UBE3D: variants seen among roughly 807,000 people sequenced by gnomAD.
UBE3D encodes the protein ubiquitin protein ligase E3D, also known as E3 ubiquitin-protein ligase E3D.
In UBE3D, 48 loss-of-function variants were observed where a neutral mutation model predicts 49.6. That is an observed-to-expected ratio of 0.97 (90% CI 0.77 to 1.23). The LOEUF (loss-of-function observed/expected upper bound fraction) is 1.23, where lower values mean the gene tolerates loss of function less well. Ranked by LOEUF, UBE3D falls within the 50% of genes most tolerant of loss-of-function variation. The pLI, the probability that UBE3D is intolerant of heterozygous loss-of-function variation, is 0.00. For synonymous variants in UBE3D, 189 were observed against 174.2 expected, an observed-to-expected ratio of 1.08 and a Z score of -0.67; for missense variants, 452 against 468.4, an observed-to-expected ratio of 0.96 and a Z score of 0.32.
At chr6:82,960,298 T>G (rs1331907087) in intron 8 of UBE3D, among the ~76,000 whole-genome samples, 1 of 152,108 alleles carries the variant, frequency 6.6e-6, no homozygotes, top group Non-Finnish European at 1.5e-5. Context: ...TTTCAACATT[T>G]CTCTGGAATG....
At chr6:82,884,304 T>C in the UBE3D span, among the ~76,000 whole-genome samples, 1 of 152,030 alleles carries the variant, frequency 6.6e-6, no homozygotes, top group South Asian at 2.1e-4. Context: ...GGCTTCCAGG[T>C]AGTAGAGGCA....
chr6:82,961,606 C>T (rs1582476147), intron 8 of UBE3D, among the ~76,000 whole-genome samples: 1 of 152,342 alleles, frequency 6.6e-6, no homozygotes, highest in Middle Eastern at 3.4e-3. Context: ...ATATTATCCT[C>T]TCCAAGCAAA....
intron 2 of UBE3D, among the ~76,000 whole-genome samples, chr6:83,055,929 T>C (rs1027580636): frequency 6.6e-6 from 1 of 152,220 alleles, no homozygotes; most frequent in African/African-American, 2.4e-5. Context: ...CCATCTATTA[T>C]ATGGAAAGCA....
intron 2 of UBE3D, among the ~76,000 whole-genome samples, chr6:83,057,389 C>CT (rs11414946): frequency 0.89 from 135,703 of 152,260 alleles, 60,514 homozygotes; most frequent in East Asian, 0.96. Flanking sequence ...ACCTTGTTCA[C>CT]TCTGTATCCC....
intron 5 of UBE3D, among the ~76,000 whole-genome samples, chr6:83,035,547 G>C (rs967174048): frequency 6.6e-6 from 1 of 151,456 alleles, no homozygotes; most frequent in Non-Finnish European, 1.5e-5. Flanking sequence ...CTGCCTTCTA[G>C]CTTTCAGCTC....
At chr6:83,032,504 C>A (rs1214788719) in intron 5 of UBE3D, among the ~76,000 whole-genome samples, 1 of 152,176 alleles carries the variant, frequency 6.6e-6, no homozygotes, top group African/African-American at 2.4e-5. Context: ...ATTTTAAAGT[C>A]TCATAGGTGG....
intron 4 of UBE3D, among the ~76,000 whole-genome samples, chr6:83,041,779 A>ATGTT (rs1782687255): frequency 6.6e-6 from 1 of 152,222 alleles, no homozygotes; most frequent in Non-Finnish European, 1.5e-5. Flanking sequence ...AAAGGTAAAG[A>ATGTT]TGTTAGTCAT....
At chr6:82,920,297 G>A (rs1254628166) in intron 9 of UBE3D, among the ~76,000 whole-genome samples, 3 of 152,158 alleles carry the variant, frequency 2.0e-5, no homozygotes. Flanking sequence ...TCCTTGGGAA[G>A]TATTTTAAGA....
chr6:83,046,650 G>A (rs1397031097), intron 3 of UBE3D, among the ~76,000 whole-genome samples: 2 of 109,446 alleles, frequency 1.8e-5, no homozygotes, highest in Admixed American at 1.3e-4. Flanking sequence ...ACAGAGTAAC[G>A]GTTCTAAATT....
chr6:82,994,914 T>C (rs1488419680), intron 8 of UBE3D, among the ~76,000 whole-genome samples: 1 of 152,094 alleles, frequency 6.6e-6, no homozygotes, highest in African/African-American at 2.4e-5. Flanking sequence ...AGAGACAACA[T>C]AGAGACAAGA....
At chr6:83,008,965 T>A (rs1780169167) in intron 8 of UBE3D, among the ~76,000 whole-genome samples, 1 of 152,178 alleles carries the variant, frequency 6.6e-6, no homozygotes, top group Non-Finnish European at 1.5e-5. Flanking sequence ...AACTTGTCCC[T>A]AAGACATTTG....
chr6:82,979,122 G>T (rs1238445924), intron 8 of UBE3D, among the ~76,000 whole-genome samples: 1 of 152,082 alleles, frequency 6.6e-6, no homozygotes, highest in Non-Finnish European at 1.5e-5. Context: ...TTCAACAATG[G>T]AATACTAGAG....
At chr6:83,035,036 T>C (rs1162293100) in intron 5 of UBE3D, among the ~76,000 whole-genome samples, 1 of 151,722 alleles carries the variant, frequency 6.6e-6, no homozygotes, top group Non-Finnish European at 1.5e-5. Flanking sequence ...TAAAAATTAG[T>C]CAGACATGGT....
At chr6:82,989,680 C>G (rs1274082906) in intron 8 of UBE3D, among the ~76,000 whole-genome samples, 4 of 152,098 alleles carry the variant, frequency 2.6e-5, no homozygotes, top group African/African-American at 4.8e-5. Context: ...TTTGCCTACC[C>G]CTGATCTAAA....
At chr6:83,055,879 A>G (rs971923189) in intron 2 of UBE3D, among the ~76,000 whole-genome samples, 1 of 152,234 alleles carries the variant, frequency 6.6e-6, no homozygotes, top group Admixed American at 6.5e-5. Flanking sequence ...ACACCAGTAC[A>G]TATCTATTCA....
chr6:83,015,463 A>T (rs766558834), intron 8 of UBE3D, among the ~76,000 whole-genome samples: 28 of 152,192 alleles, frequency 1.8e-4, no homozygotes, highest in African/African-American at 6.5e-4. Context: ...GCAACATTAA[A>T]AGGAGAGTCC....
chr6:82,932,087 G>A (rs916279919), intron 9 of UBE3D, among the ~76,000 whole-genome samples: 2 of 152,084 alleles, frequency 1.3e-5, no homozygotes, highest in African/African-American at 4.8e-5. Flanking sequence ...TGTGACATGT[G>A]TTCACTTCCC....
intron 8 of UBE3D, among the ~76,000 whole-genome samples, chr6:82,987,108 T>G (rs1477329104): frequency 2.6e-5 from 4 of 151,916 alleles, no homozygotes; most frequent in Non-Finnish European, 5.9e-5. Context: ...TGTAGCCAGG[T>G]GGGACTATGC....
At chr6:82,984,669 T>C (rs190305904) in intron 8 of UBE3D, among the ~76,000 whole-genome samples, 31 of 152,306 alleles carry the variant, frequency 2.0e-4, no homozygotes, top group East Asian at 3.9e-4. Flanking sequence ...AAGAGTTCTT[T>C]TCATTTCTTT....
Sources: allele counts gnomAD v4.1 joint callset (sites outside exome capture counted in the v4.1 genomes callset), GRCh38; gene constraint gnomAD v4.1.1; transcripts MANE v1.5; gene names NCBI Gene and HGNC (gene_info 2026-07-23, HGNC 2026-07-21).